OR9Q1: variants seen among roughly 807,000 people sequenced by gnomAD.
OR9Q1 encodes the protein olfactory receptor family 9 subfamily Q member 1.
For synonymous variants in OR9Q1, 153 were observed against 148.6 expected (o/e 1.03, Z -0.22); for missense variants, 374 against 378.8 (o/e 0.99, Z 0.11).
At chr11:58,121,645 G>A (rs1330232400) in intron 2 of OR9Q1, among the ~76,000 whole-genome samples, 1 of 152,166 alleles carries the variant, frequency 6.6e-6, no homozygotes, top group East Asian at 1.9e-4. Flanking sequence ...GTTGGAATCT[G>A]CCAATTCAGA....
chr11:58,031,491 A>G (rs1289048473), intron 1 of OR9Q1: 5 of 1,613,926 alleles, frequency 3.1e-6, no homozygotes, highest in South Asian at 1.1e-5. Context: ...GTCATTGACC[A>G]TTTCTCCTGT....
At chr11:58,031,901 CAG>C (rs768611230) in intron 1 of OR9Q1, 11 of 1,594,594 alleles carry the variant, frequency 6.9e-6, no homozygotes, top group African/African-American at 2.7e-5. Context: ...TTGGAAGGGA[CAG>C]TGAGGAGGCA....
chr11:58,081,526 G>A (rs548634733), intron 2 of OR9Q1, among the ~76,000 whole-genome samples: 10 of 152,306 alleles, frequency 6.6e-5, no homozygotes, highest in Non-Finnish European at 1.5e-4. Context: ...GGTGTGAGAT[G>A]TTATCTCATT....
intron 2 of OR9Q1, among the ~76,000 whole-genome samples, chr11:58,121,481 T>C (rs1191407907): frequency 6.6e-6 from 1 of 152,196 alleles, no homozygotes; most frequent in African/African-American, 2.4e-5. Flanking sequence ...TTGTTTGTGT[T>C]TGAGAAGTGG....
At chr11:58,131,625 T>G (rs1178632627) in intron 2 of OR9Q1, among the ~76,000 whole-genome samples, 1 of 152,094 alleles carries the variant, frequency 6.6e-6, no homozygotes, top group South Asian at 2.1e-4. Flanking sequence ...CCCTTGAGTT[T>G]GTTCAACAGC....
chr11:58,102,193 G>GT (rs1230757607), intron 2 of OR9Q1, among the ~76,000 whole-genome samples: 1 of 152,048 alleles, frequency 6.6e-6, no homozygotes, highest in Non-Finnish European at 1.5e-5. Context: ...CTTACTATTG[G>GT]TAAGTGAGGA....
intron 2 of OR9Q1, among the ~76,000 whole-genome samples, chr11:58,159,328 A>G (rs954967474): frequency 5.9e-5 from 9 of 152,238 alleles, no homozygotes; most frequent in African/African-American, 2.2e-4. Context: ...CAGGATATTA[A>G]GAGTATTGTT....
chr11:58,149,560 T>C (rs1854330066), intron 2 of OR9Q1, among the ~76,000 whole-genome samples: 3 of 152,116 alleles, frequency 2.0e-5, no homozygotes. Flanking sequence ...CCACTATCCT[T>C]CTCCAGAACT....
At chr11:58,173,490 T>A (rs546497746) in intron 2 of OR9Q1, among the ~76,000 whole-genome samples, 28 of 152,106 alleles carry the variant, frequency 1.8e-4, no homozygotes, top group African/African-American at 6.3e-4. Context: ...GGCTGCATAG[T>A]ATTCCATGGT....
At chr11:58,071,537 G>C (rs1207828132) in intron 2 of OR9Q1, among the ~76,000 whole-genome samples, 1 of 151,958 alleles carries the variant, frequency 6.6e-6, no homozygotes, top group African/African-American at 2.4e-5. Flanking sequence ...TCTCCTAGGG[G>C]AAAGAGCCTA....
intron 2 of OR9Q1, among the ~76,000 whole-genome samples, chr11:58,169,248 T>C (rs1854533401): frequency 6.6e-6 from 1 of 152,184 alleles, no homozygotes; most frequent in Admixed American, 6.6e-5. Flanking sequence ...TGGATTCTTT[T>C]AATCCTTGAG....
intron 2 of OR9Q1, chr11:58,119,281 A>G: frequency 6.2e-7 from 1 of 1,613,996 alleles, no homozygotes; most frequent in Non-Finnish European, 8.5e-7. Flanking sequence ...TGGGGTGTAG[A>G]GTTTGACATC....
At chr11:58,116,300 A>G (rs141552103) in intron 2 of OR9Q1, among the ~76,000 whole-genome samples, 3 of 152,316 alleles carry the variant, frequency 2.0e-5, no homozygotes, top group East Asian at 3.9e-4. Flanking sequence ...TGCTATTACA[A>G]CAATGCTTCA....
At position 58,180,109 on chromosome 11, in the gene OR9Q1, T is replaced by C. The variant is rs1459786961; in HGVS notation, c.665T>C (p.Ile222Thr). 5.0e-6 allele frequency: 8 copies of C among 1,613,956 alleles called. No individual in the cohort carries two copies. Among genetic ancestry groups the C allele is most frequent in the African/African-American group, 4.0e-5 (3 of 74,892 alleles). The change falls in exon 3 of 3, where the codon ATC becomes ACC. Residue 222 changes from isoleucine to threonine, a missense_variant. Ile to Thr is a moderately conservative substitution (Grantham distance 89, BLOSUM62 -1). Transcript: ENST00000335397. ...ATCTTGGTGTCCTACCTGTTTATCA[T>C]CGTGGCCATCATGGGGATCCCTGCT... ...VVILVSYLFI[I>T]VAIMGIPAGS...
At chr11:58,134,274 T>C (rs1403509850) in intron 2 of OR9Q1, among the ~76,000 whole-genome samples, 1 of 152,190 alleles carries the variant, frequency 6.6e-6, no homozygotes, top group Non-Finnish European at 1.5e-5. Context: ...CTAGTAGCTC[T>C]GGTCATCAGA....
intron 2 of OR9Q1, among the ~76,000 whole-genome samples, chr11:58,145,779 G>A (rs917593465): frequency 8.6e-5 from 13 of 151,872 alleles, no homozygotes; most frequent in African/African-American, 1.9e-4. Flanking sequence ...TCAGCTATTC[G>A]GATTTTTTTC....
chr11:58,046,972 C>G (rs1853222990), intron 1 of OR9Q1, among the ~76,000 whole-genome samples: 1 of 152,166 alleles, frequency 6.6e-6, no homozygotes, highest in Admixed American at 6.5e-5. Flanking sequence ...CTTAAAAAAG[C>G]TCAGCATCGA....
At chr11:58,111,834 A>C (rs1432849553) in intron 2 of OR9Q1, among the ~76,000 whole-genome samples, 2 of 151,816 alleles carry the variant, frequency 1.3e-5, no homozygotes, top group Non-Finnish European at 2.9e-5. Flanking sequence ...TGACTTAATA[A>C]CTCTTCTTGA....
chr11:58,096,974 G>A (rs1853738424), intron 2 of OR9Q1, among the ~76,000 whole-genome samples: 1 of 152,042 alleles, frequency 6.6e-6, no homozygotes, highest in African/African-American at 2.4e-5. Flanking sequence ...AAAGTGCTGG[G>A]ATTAGAGGTG....
Sources: allele counts gnomAD v4.1 joint callset (sites outside exome capture counted in the v4.1 genomes callset), GRCh38; gene constraint gnomAD v4.1.1; transcripts MANE v1.5; gene names NCBI Gene and HGNC (gene_info 2026-07-23, HGNC 2026-07-21).